The following PCDHA7 variants were observed in gnomAD, a reference collection of about 807,000 sequenced individuals.
The protein encoded by PCDHA7 is protocadherin alpha-7.
In PCDHA7, 37 loss-of-function variants were observed where a neutral mutation model predicts 57.2. The ratio of observed to expected loss-of-function variants is 0.65; its 90% CI spans 0.50 to 0.85. The LOEUF is 0.85. Among genes scored for constraint, PCDHA7 ranks in the 40% least tolerant of loss-of-function variants. PCDHA7 has a pLI of 0.00. For synonymous variants in PCDHA7, 553 were observed against 558.8 expected (o/e 0.99, Z 0.15); for missense variants, 1,188 against 1,241.8 (o/e 0.96, Z 0.65).
chr5:140,841,750 A>G (rs1554138520), intron 1 of PCDHA7: 6 of 1,613,798 alleles, frequency 3.7e-6, no homozygotes, highest in Non-Finnish European at 5.1e-6. Context: ...TGTTTGTTTC[A>G]GAATCCAGAA....
intron 1 of PCDHA7, among the ~76,000 whole-genome samples, chr5:140,923,640 T>G (rs2081459480): frequency 6.6e-6 from 1 of 152,234 alleles, no homozygotes; most frequent in African/African-American, 2.4e-5. Flanking sequence ...GCAAAAATCT[T>G]TAGCCTCCCT....
At position 140,836,309 on chromosome 5, in the gene PCDHA7, A is replaced by T; in HGVS notation, c.1926A>T (p.Ala642=). Residue 642 remains alanine, a synonymous_variant, in exon 1 of 4, where the codon GCA becomes GCT. Transcript: ENST00000525929. ...STTRALDETD[A]PRHRLLVLVK... ...CACGAGCCCTAGATGAGACGGACGC[A>T]CCGCGCCACCGCCTTCTGGTGCTTG... The T allele has an allele frequency of 6.2e-7, 1 of 1,613,652 alleles. No homozygotes were observed. Among genetic ancestry groups the T allele is most frequent in the Non-Finnish European group, 8.5e-7 (1 of 1,179,808 alleles).
At chr5:140,938,870 A>C (rs560302282) in intron 1 of PCDHA7, among the ~76,000 whole-genome samples, 1 of 152,264 alleles carries the variant, frequency 6.6e-6, no homozygotes, top group South Asian at 2.1e-4. Flanking sequence ...TTAAAAGTTA[A>C]GAAGCAACAC....
chr5:140,920,801 G>A (rs1303863265), intron 1 of PCDHA7, among the ~76,000 whole-genome samples: 2 of 148,716 alleles, frequency 1.3e-5, no homozygotes, highest in Non-Finnish European at 3.0e-5. Context: ...CCAAGATCAC[G>A]CCACTGCACT....
intron 1 of PCDHA7, chr5:140,884,248 G>A: frequency 1.2e-6 from 2 of 1,613,458 alleles, no homozygotes; most frequent in Non-Finnish European, 1.7e-6. Flanking sequence ...CCGCGCTGAC[G>A]GCCACGGCAA....
At chr5:140,876,991 T>C in intron 1 of PCDHA7, 1 of 1,612,564 alleles carries the variant, frequency 6.2e-7, no homozygotes, top group Non-Finnish European at 8.5e-7. Flanking sequence ...ACTGTCGAGC[T>C]ACGTGTCGGT....
intron 1 of PCDHA7, chr5:140,966,499 A>C (rs960365429): frequency 1.4e-5 from 6 of 431,834 alleles, no homozygotes; most frequent in Non-Finnish European, 2.4e-5. Context: ...CTGGAGCTGT[A>C]GCGGCAGCAG....
At chr5:140,989,101 A>G (rs1293454775) in intron 3 of PCDHA7, 1 of 152,216 alleles carries the variant, frequency 6.6e-6, no homozygotes, top group African/African-American at 2.4e-5. Flanking sequence ...AGGAGAAACA[A>G]CTTTTGAATA....
chr5:140,852,580 TTA>T, intron 1 of PCDHA7: 5 of 841,004 alleles, frequency 5.9e-6, no homozygotes, highest in South Asian at 5.3e-5. Context: ...CAAGGCTTTT[TTA>T]TTTTTTTTTT....
At chr5:140,882,454 C>G (rs782708863) in intron 1 of PCDHA7, 12 of 1,613,934 alleles carry the variant, frequency 7.4e-6, no homozygotes, top group Non-Finnish European at 1.0e-5. Flanking sequence ...TGGTGCCGCG[C>G]CTGTTCCGGG....
intron 1 of PCDHA7, among the ~76,000 whole-genome samples, chr5:140,914,983 G>C (rs2076933598): frequency 7.2e-6 from 1 of 139,166 alleles, no homozygotes; most frequent in Non-Finnish European, 1.5e-5. Context: ...GTCTTGCTCT[G>C]CTACCAGGCT....
chr5:140,865,900 C>T (rs1012769998), intron 1 of PCDHA7: 18 of 152,230 alleles, frequency 1.2e-4, no homozygotes, highest in African/African-American at 3.8e-4. Context: ...TGTGTACAGG[C>T]AAATCTTTCT....
At chr5:140,875,476 G>T in intron 1 of PCDHA7, 1 of 1,610,156 alleles carries the variant, frequency 6.2e-7, no homozygotes, top group South Asian at 1.1e-5. Flanking sequence ...TTCTGCAATG[G>T]TGATTATCGG....
At chr5:140,884,194 G>C in intron 1 of PCDHA7, 1 of 1,613,402 alleles carries the variant, frequency 6.2e-7, no homozygotes, top group Non-Finnish European at 8.5e-7. Flanking sequence ...AGGTGGACGC[G>C]CCGCACCACC....
At chr5:140,952,970 T>C (rs2094826762) in intron 1 of PCDHA7, among the ~76,000 whole-genome samples, 1 of 152,000 alleles carries the variant, frequency 6.6e-6, no homozygotes, top group Non-Finnish European at 1.5e-5. Context: ...TACACACTTT[T>C]AAACAACAAG....
chr5:140,877,070 T>A (rs2056830444), intron 1 of PCDHA7: 4 of 1,613,050 alleles, frequency 2.5e-6, no homozygotes, highest in Non-Finnish European at 3.4e-6. Flanking sequence ...CTGCTGCAGT[T>A]CCAGGTGAGC....
chr5:140,882,917 G>A, intron 1 of PCDHA7: 1 of 1,614,218 alleles, frequency 6.2e-7, no homozygotes, highest in Non-Finnish European at 8.5e-7. Context: ...AGCCAGTGAT[G>A]GAGGTAAACC....
intron 1 of PCDHA7, chr5:140,853,810 G>A (rs1402594450): frequency 7.1e-6 from 7 of 986,530 alleles, no homozygotes; most frequent in Non-Finnish European, 8.5e-6. Context: ...AAGCACACCT[G>A]AGATGATTCT....
At position 141,012,270 on chromosome 5, in the gene PCDHA7, G is replaced by A. The variant is rs782033901; in HGVS notation, c.*2333G>A. On this transcript the variant is annotated 3_prime_UTR_variant, in exon 4 of 4. Coordinates refer to ENST00000525929, the MANE Select transcript of PCDHA7 (RefSeq NM_018910.3). ...TATTACAGCTGTAAGGATAAAACAC[G>A]TCATGTGGATTCATTTTGAATTGGT... is the stretch of plus-strand genomic sequence containing the variant. 4 of 153,734 alleles carry A rather than the reference G, an allele frequency of 2.6e-5. No individual in the cohort carries two copies. The highest frequency in any genetic ancestry group is 5.9e-5 in the Non-Finnish European group (4 of 68,028). 9.5% of individuals were successfully genotyped at this position (153,734 alleles called of 1,614,324 possible).
Sources: allele counts gnomAD v4.1 joint callset (sites outside exome capture counted in the v4.1 genomes callset), GRCh38; gene constraint gnomAD v4.1.1; transcripts MANE v1.5; gene names NCBI Gene and HGNC (gene_info 2026-07-23, HGNC 2026-07-21).